GLIS3: variants seen among roughly 807,000 people sequenced by gnomAD.
The protein encoded by GLIS3 is GLIS family zinc finger 3.
Under a neutral mutation model 78.6 loss-of-function variants are expected in GLIS3, and 53 were observed. That is an observed-to-expected ratio of 0.67 (90% CI 0.54 to 0.85). The LOEUF (loss-of-function observed/expected upper bound fraction) is 0.85, where lower values mean the gene tolerates loss of function less well. Among genes scored for constraint, GLIS3 ranks in the 40% least tolerant of loss-of-function variants. GLIS3 has a pLI of 0.00. For synonymous variants in GLIS3, 684 were observed against 509.9 expected (o/e 1.34, Z -4.60); for missense variants, 1,703 against 1,231.1 (o/e 1.38, Z -5.74).
intron 7 of GLIS3, among the ~76,000 whole-genome samples, chr9:3,880,746 C>A (rs545648049): frequency 3.3e-5 from 5 of 152,248 alleles, no homozygotes; most frequent in African/African-American, 1.2e-4. Context: ...ATGACCTAGC[C>A]CCCAAAAGCT....
At chr9:4,406,868 G>A in the GLIS3 span, among the ~76,000 whole-genome samples, 2 of 152,076 alleles carry the variant, frequency 1.3e-5, no homozygotes, top group Non-Finnish European at 2.9e-5. Flanking sequence ...GTTTATACTA[G>A]CCAAAGCAAT....
At chr9:4,125,450 AC>A (rs1372123462) in intron 3 of GLIS3, among the ~76,000 whole-genome samples, 7 of 152,198 alleles carry the variant, frequency 4.6e-5, no homozygotes, top group Admixed American at 6.5e-5. Flanking sequence ...AAATTTACAC[AC>A]CGTGTTTCAG....
At chr9:4,444,538 C>CA in the GLIS3 span, among the ~76,000 whole-genome samples, 1 of 152,132 alleles carries the variant, frequency 6.6e-6, no homozygotes, top group Non-Finnish European at 1.5e-5. Flanking sequence ...CCAACAACTT[C>CA]AAACTCGCCC....
At chr9:4,324,893 T>G (rs1455924347) in intron 2 of GLIS3, among the ~76,000 whole-genome samples, 1 of 152,232 alleles carries the variant, frequency 6.6e-6, no homozygotes, top group Non-Finnish European at 1.5e-5. Flanking sequence ...GTTATACCCC[T>G]ACAACCTTAG....
At chr9:4,293,091 C>A (rs145615425) in intron 1 of GLIS3, among the ~76,000 whole-genome samples, 64 of 152,254 alleles carry the variant, frequency 4.2e-4, no homozygotes, top group African/African-American at 1.5e-3. Context: ...CCCATCCTCA[C>A]ACAAGAGGGT....
rs1819903885 is a variant in GLIS3, at chr9:3,987,898, AGAAAGAAGATCTT to A, written c.1711-50722_1711-50710del. Among the ~76,000 whole-genome samples the A allele has an allele frequency of 2.0e-5, 3 of 152,140 alleles. No homozygotes were observed. The South Asian group carries it at 6.2e-4, about 32-fold the overall frequency. On this transcript the variant is annotated intron_variant, in intron 4 of 10. Transcript: ENST00000381971. The stretch of plus-strand genomic sequence containing the variant: ...ATAATTAAAAATTTAAAATCTAAAG[AGAAAGAAGATCTT>A]GAAATAATCCAGAGAAAAACGATAC...
intron 2 of GLIS3, among the ~76,000 whole-genome samples, chr9:4,146,319 T>C (rs1162426169): frequency 6.6e-6 from 1 of 152,208 alleles, no homozygotes; most frequent in African/African-American, 2.4e-5. Flanking sequence ...AGATAAGAAA[T>C]TTGATAATTT....
the GLIS3 span, among the ~76,000 whole-genome samples, chr9:4,355,828 T>C: frequency 9.4e-3 from 1,430 of 152,260 alleles, 10 homozygotes; most frequent in Non-Finnish European, 0.016. Flanking sequence ...GGCAAAACAC[T>C]GGATCAGGAA....
At position 4,321,283 on chromosome 9, in the gene GLIS3, G is replaced by C. The variant is rs566132407; in HGVS notation, n.265-10755C>G. ...AAAATACAAAAAAAATTAGCCGGGA[G>C]TGGTGGCGGGCGCCTGTAGTCCCAG... On this transcript the variant is annotated intron_variant and non_coding_transcript_variant, in intron 2 of 4. Coordinates refer to the GLIS3 transcript ENST00000471664. 1.5e-3 allele frequency among the ~76,000 whole-genome samples: 193 copies of C among 128,620 alleles called. 1 individual carries two copies. The highest frequency in any genetic ancestry group is 6.2e-3 in the East Asian group (25 of 4,038). 84.4% of individuals were successfully genotyped at this position (128,620 alleles called of 152,430 possible). A position where few individuals can be genotyped will look rare whatever the true frequency, so the allele number is the denominator to read the frequency against.
At chr9:4,022,208 A>C (rs1248051667) in intron 4 of GLIS3, among the ~76,000 whole-genome samples, 2 of 152,232 alleles carry the variant, frequency 1.3e-5, no homozygotes, top group East Asian at 1.9e-4. Flanking sequence ...GTAAGCAAAA[A>C]GAGGCCTTAG....
At chr9:4,041,715 C>T (rs920980238) in intron 4 of GLIS3, among the ~76,000 whole-genome samples, 2 of 152,130 alleles carry the variant, frequency 1.3e-5, no homozygotes, top group Admixed American at 6.5e-5. Context: ...TCTCTGAAAA[C>T]GTGAAGCTCT....
chr9:3,939,528 G>A (rs1466334138), intron 4 of GLIS3, among the ~76,000 whole-genome samples: 1 of 152,126 alleles, frequency 6.6e-6, no homozygotes, highest in Admixed American at 6.5e-5. Context: ...AGTGCAAAAT[G>A]AACAATATCT....
the GLIS3 span, among the ~76,000 whole-genome samples, chr9:4,398,969 G>T: frequency 3.3e-5 from 5 of 152,178 alleles, no homozygotes; most frequent in Non-Finnish European, 7.3e-5. Context: ...TTACAGGCGT[G>T]AGCCACCGTA....
the GLIS3 span, among the ~76,000 whole-genome samples, chr9:4,437,000 G>C: frequency 6.6e-6 from 1 of 152,068 alleles, no homozygotes; most frequent in Non-Finnish European, 1.5e-5. Context: ...AAGAGCTGCA[G>C]TAGAAGTATA....
intron 4 of GLIS3, among the ~76,000 whole-genome samples, chr9:4,116,794 T>C (rs940524760): frequency 3.9e-5 from 6 of 152,250 alleles, no homozygotes; most frequent in Non-Finnish European, 5.9e-5. Context: ...AGGGAATATA[T>C]AGAAATCTTA....
intron 2 of GLIS3, among the ~76,000 whole-genome samples, chr9:4,160,548 G>A (rs1029543651): frequency 2.0e-5 from 3 of 152,176 alleles, no homozygotes; most frequent in Non-Finnish European, 4.4e-5. Flanking sequence ...CAGAATTCAC[G>A]AGCTGTCTTC....
intron 4 of GLIS3, among the ~76,000 whole-genome samples, chr9:3,997,300 C>G (rs958089136): frequency 1.3e-5 from 2 of 152,068 alleles, no homozygotes; most frequent in Non-Finnish European, 1.5e-5. Context: ...AAGCCGAGAT[C>G]GCTGCATTGC....
chr9:4,119,690 G>A (rs182679308), intron 3 of GLIS3, among the ~76,000 whole-genome samples: 23 of 152,240 alleles, frequency 1.5e-4, no homozygotes, highest in Non-Finnish European at 2.5e-4. Flanking sequence ...AGAGCAGATC[G>A]TTCACTTTCT....
intron 4 of GLIS3, among the ~76,000 whole-genome samples, chr9:4,064,528 T>C (rs1303271522): frequency 6.6e-6 from 1 of 152,212 alleles, no homozygotes; most frequent in Non-Finnish European, 1.5e-5. Context: ...TTTATAATAA[T>C]GGTTATGCAA....
Sources: allele counts gnomAD v4.1 joint callset (sites outside exome capture counted in the v4.1 genomes callset), GRCh38; gene constraint gnomAD v4.1.1; transcripts MANE v1.5; gene names NCBI Gene and HGNC (gene_info 2026-07-23, HGNC 2026-07-21).